Variants in DCAF6 observed in about 807,000 individuals in gnomAD.
DCAF6 encodes the protein DDB1 and CUL4 associated factor 6, also known as DDB1- and CUL4-associated factor 6.
Under a neutral mutation model 125.1 loss-of-function variants are expected in DCAF6, and 54 were observed. The ratio of observed to expected loss-of-function variants is 0.43; its 90% CI spans 0.35 to 0.54. The LOEUF (loss-of-function observed/expected upper bound fraction) is 0.54, where lower values mean the gene tolerates loss of function less well. Among genes scored for constraint, DCAF6 ranks in the 20% least tolerant of loss-of-function variants. The probability of loss-of-function intolerance (pLI) is 0.01; values close to 1 mark genes in which losing one functional copy is unlikely to be tolerated. For synonymous variants in DCAF6, 371 were observed against 390.4 expected (o/e 0.95, Z 0.58); for missense variants, 934 against 1,161.7 (o/e 0.80, Z 2.85).
chr1:168,004,144 A>G (rs1660222110), intron 9 of DCAF6, among the ~76,000 whole-genome samples, 155 bp downstream of exon 9: 1 of 152,174 alleles, frequency 6.6e-6, no homozygotes, highest in Admixed American at 6.5e-5. Flanking sequence ...AGAATAAAAG[A>G]TATTGGATAT....
chr1:167,889,451 T>TTTTTTTTTTTTTTTTTTTG, the DCAF6 span, among the ~76,000 whole-genome samples: 1 of 151,856 alleles, frequency 6.6e-6, no homozygotes, highest in African/African-American at 2.4e-5. Flanking sequence ...ATGATCTTTT[T>TTTTTTTTTTTTTTTTTTTG]AATATGTTGT....
chr1:167,894,480 A>G, the DCAF6 span, among the ~76,000 whole-genome samples: 1 of 152,116 alleles, frequency 6.6e-6, no homozygotes, highest in Admixed American at 6.5e-5. Context: ...GGTTCCCTTC[A>G]CTATAAAGAT....
At chr1:167,950,675 A>C (rs749353269) in intron 1 of DCAF6, among the ~76,000 whole-genome samples, 4 of 152,222 alleles carry the variant, frequency 2.6e-5, no homozygotes, top group African/African-American at 4.8e-5. Flanking sequence ...AGGCAGATAC[A>C]ATTTTATGAG....
At chr1:167,988,308 G>A (rs1680310720) in intron 5 of DCAF6, among the ~76,000 whole-genome samples, 1 of 152,008 alleles carries the variant, frequency 6.6e-6, no homozygotes, top group Non-Finnish European at 1.5e-5. Flanking sequence ...CTACGGGTGT[G>A]TGCCACTATG....
intron 3 of DCAF6, among the ~76,000 whole-genome samples, chr1:167,971,378 C>G (rs202245): frequency 6.6e-6 from 1 of 152,078 alleles, no homozygotes; most frequent in African/African-American, 2.4e-5. Flanking sequence ...CAACACTTAA[C>G]ATTATTTATT....
At chr1:167,986,742 A>G (rs185990358) in intron 4 of DCAF6, among the ~76,000 whole-genome samples, 281 of 152,274 alleles carry the variant, frequency 1.8e-3, no homozygotes, top group African/African-American at 6.2e-3. Context: ...CCTGCTGCTC[A>G]CTACCTGCTT....
chr1:167,937,103 C>G (rs1021243098), intron 1 of DCAF6, 95 bp downstream of exon 1: 1 of 1,063,126 alleles, frequency 9.4e-7, no homozygotes, highest in African/African-American at 1.6e-5. Context: ...GACGGCGTCT[C>G]GGTGGGGGCG....
chr1:168,015,106 A>G (rs971550442), intron 10 of DCAF6, among the ~76,000 whole-genome samples: 1 of 152,226 alleles, frequency 6.6e-6, no homozygotes, highest in African/African-American at 2.4e-5. Flanking sequence ...AGCCTAAAAC[A>G]ATGCCTCATA....
chr1:167,884,799 G>A, the DCAF6 span, among the ~76,000 whole-genome samples: 69,814 of 150,864 alleles, frequency 0.46, 16,538 homozygotes, highest in Middle Eastern at 0.63. Context: ...CTGGGTTCAA[G>A]CGATTCTCCT....
chr1:167,866,972 T>TC, the DCAF6 span, among the ~76,000 whole-genome samples: 1 of 151,676 alleles, frequency 6.6e-6, no homozygotes, highest in African/African-American at 2.4e-5. Context: ...AAACATAAAG[T>TC]CCCCCCCATG....
At chr1:168,067,297 G>T (rs1692460786) in intron 20 of DCAF6, among the ~76,000 whole-genome samples, 1 of 152,112 alleles carries the variant, frequency 6.6e-6, no homozygotes, top group African/African-American at 2.4e-5. Flanking sequence ...AAAAAGATAA[G>T]GCCCTACCCT....
chr1:167,933,484 A>G (rs1670971983), upstream of DCAF6, among the ~76,000 whole-genome samples: 1 of 152,198 alleles, frequency 6.6e-6, no homozygotes, highest in African/African-American at 2.4e-5. Flanking sequence ...CATTCTTGTT[A>G]CCTGTCGAGA....
Position 168,052,478 on chromosome 1 carries a change from A to T in DCAF6, c.2300+1545A>T, listed in dbSNP as rs143576569. On this transcript the variant is annotated intron_variant, in intron 17 of 21. Transcript: ENST00000367840. Reference sequence around the variant, plus strand: ...TCTTCTCTACTTCATTTTATTTCTTATGTAGAGATTATCTGGTGGAAACTT... The same window carrying T: ...TCTTCTCTACTTCATTTTATTTCTTTTGTAGAGATTATCTGGTGGAAACTT... Among the ~76,000 whole-genome samples, 318 of 152,292 alleles carry T rather than the reference A, an allele frequency of 2.1e-3. 2 individuals are homozygous for T. The highest frequency in any genetic ancestry group is 7.1e-3 in the African/African-American group (297 of 41,564).
At chr1:167,957,178 G>A (rs1674915853) in intron 2 of DCAF6, among the ~76,000 whole-genome samples, 1 of 151,856 alleles carries the variant, frequency 6.6e-6, no homozygotes, top group Non-Finnish European at 1.5e-5. Flanking sequence ...GGTTTTTAGT[G>A]TATTTGTAAA....
At position 168,068,393 on chromosome 1, in the gene DCAF6, T is replaced by C. The variant is rs755886931; in HGVS notation, c.2721T>C (p.Thr907=). 18 of 1,604,640 alleles carry C rather than the reference T, an allele frequency of 1.1e-5. No individual in the cohort carries two copies. The Admixed American group carries it at 2.0e-4, about 18-fold the overall frequency. Residue 907 remains threonine, a synonymous_variant, in exon 21 of 22, where the codon ACT becomes ACC. Coordinates refer to ENST00000367840, the MANE Select transcript of DCAF6 (RefSeq NM_001198956.2). ...GAAACGAACTCATGCTGGAAGAAACTAGAAACACCATTACAGTTCCAGCCT... is the reference window on the plus strand; with the variant it reads ...GAAACGAACTCATGCTGGAAGAAACCAGAAACACCATTACAGTTCCAGCCT... The part of the protein sequence containing the change: ...ITRNELMLEE[T]RNTITVPASF...
At chr1:167,942,516 T>C (rs1343478433) in intron 1 of DCAF6, among the ~76,000 whole-genome samples, 6 of 152,262 alleles carry the variant, frequency 3.9e-5, no homozygotes, top group African/African-American at 1.4e-4. Context: ...TAATCAGATA[T>C]GTACTTTACA....
At chr1:167,876,366 T>C in the DCAF6 span, among the ~76,000 whole-genome samples, 5 of 152,024 alleles carry the variant, frequency 3.3e-5, no homozygotes, top group African/African-American at 1.2e-4. Flanking sequence ...TAACACAGGA[T>C]ACTGACAGTA....
At chr1:167,866,565 C>G in the DCAF6 span, among the ~76,000 whole-genome samples, 2 of 147,542 alleles carry the variant, frequency 1.4e-5, no homozygotes, top group Non-Finnish European at 3.0e-5. Context: ...CCATCTATAC[C>G]AATTCTAAGT....
the DCAF6 span, among the ~76,000 whole-genome samples, chr1:167,919,331 G>A: frequency 9.2e-5 from 14 of 152,214 alleles, no homozygotes; most frequent in Non-Finnish European, 1.8e-4. Flanking sequence ...AGCTTATAAT[G>A]GAATGGAGAG....
Sources: allele counts gnomAD v4.1 joint callset (sites outside exome capture counted in the v4.1 genomes callset), GRCh38; gene constraint gnomAD v4.1.1; transcripts MANE v1.5; gene names NCBI Gene and HGNC (gene_info 2026-07-23, HGNC 2026-07-21).